Variants in ING1 observed in about 807,000 individuals in gnomAD.
ING1 encodes inhibitor of growth protein 1.
ING1 carries 4 observed loss-of-function variants against 23.1 expected under a neutral mutation model. That is an observed-to-expected ratio of 0.17 (90% CI 0.09 to 0.40). The LOEUF (loss-of-function observed/expected upper bound fraction) is 0.40. Ranked by LOEUF, ING1 falls within the 10% of genes least tolerant of loss-of-function variation. The pLI is 1.00. For synonymous variants in ING1, 179 were observed against 166.4 expected (o/e 1.08, Z -0.58); for missense variants, 256 against 393.8 (o/e 0.65, Z 2.96).
upstream of ING1, chr13:110,712,907 G>A (rs1394546421): frequency 4.6e-6 from 7 of 1,533,992 alleles, no homozygotes; most frequent in African/African-American, 1.4e-5. Flanking sequence ...CACAAAGGGA[G>A]GGCGGTGACG....
In ING1 at chr13:110,719,618, C is replaced by T. The variant is rs760064895; in HGVS notation, c.526C>T (p.Pro176Ser). 50 of 1,612,186 alleles carry T rather than the reference C, an allele frequency of 3.1e-5. No homozygotes were observed. In the East Asian group the frequency reaches 4.5e-4, roughly 14 times the overall value. Residue 176 changes from proline (P) to serine (S), a missense_variant, in exon 2 of 2, where the codon CCC becomes TCC. Physicochemically the swap from Pro to Ser is moderately conservative, Grantham distance 74. Transcript: ENST00000333219. The surrounding 1 kb of genome is among the most constrained non-coding windows in gnomAD (Gnocchi z 8.9). ...HDHDDGASGT[P>S]KEKKAKTSKK... is the part of the protein sequence containing the mutation. ...CCACGACGACGGCGCCTCGGGCACA[C>T]CCAAGGAGAAGAAGGCCAAGACCTC...
Position 110,720,703 on chromosome 13 carries a change from A to G in ING1, c.*771A>G, listed in dbSNP as rs915757650. On this transcript the variant is annotated 3_prime_UTR_variant, in exon 2 of 2. Transcript: ENST00000333219. ...AAGCTAATGTCACAATTATGTGCAA[A>G]GGTGTGCTTCCTGCTGTATGTGAGC... is the stretch of plus-strand genomic sequence containing the variant. The G allele has an allele frequency of 7.2e-5, 12 of 167,124 alleles. No homozygotes were observed. The highest frequency in any genetic ancestry group is 2.9e-4 in the African/African-American group (12 of 41,470). 10.4% of individuals were successfully genotyped at this position (167,124 alleles called of 1,614,324 possible).
intron 1 of ING1, chr13:110,715,813 C>G (rs1193430389): frequency 1.3e-6 from 2 of 1,584,318 alleles, no homozygotes; most frequent in African/African-American, 1.3e-5. Flanking sequence ...GCGGGTGTCG[C>G]CCCGGCCCCT....
At position 110,719,307 on chromosome 13, in the gene ING1, A is replaced by G. The variant is rs1360215146; in HGVS notation, c.215A>G (p.His72Arg). Reference protein sequence around the residue: ...TDGAQKRRMLHCVQRALIRSQ... With the variant: ...TDGAQKRRMLRCVQRALIRSQ... The stretch of plus-strand genomic sequence containing the variant: ...GGGGCGCAGAAGCGGCGGATGCTGC[A>G]CTGTGTGCAGCGCGCGCTGATCCGC... The change falls in exon 2 of 2, where the codon CAC (histidine) becomes CGC (arginine). Residue 72 changes from histidine to arginine, a missense_variant. By Grantham distance (29) the His-to-Arg change is conservative. Transcript: ENST00000333219. This position sits in a 1 kb window ranked among gnomAD's most constrained non-coding sequence, Gnocchi z 8.9. The G allele has an allele frequency of 3.1e-6, 5 of 1,610,126 alleles. No individual in the cohort carries two copies. Among genetic ancestry groups the G allele is most frequent in the Non-Finnish European group, 4.2e-6 (5 of 1,179,916 alleles).
At chr13:110,713,637 C>T, upstream of ING1, 21 of 985,086 alleles carry the variant, frequency 2.1e-5, no homozygotes, top group Non-Finnish European at 2.3e-5. Context: ...GGGGAGGGGG[C>T]CGGGGCGCAT....
upstream of ING1, chr13:110,713,668 G>A (rs941672411): frequency 5.0e-4 from 490 of 985,396 alleles, 1 homozygote; most frequent in Non-Finnish European, 5.5e-4. Flanking sequence ...CAGCGGGGCT[G>A]AATGTTTCCC....
upstream of ING1, chr13:110,713,289 T>A (rs955372139): frequency 7.8e-7 from 1 of 1,279,170 alleles, no homozygotes; most frequent in Non-Finnish European, 9.9e-7. Context: ...CGAGTTGCGG[T>A]AGTTGCTGTG....
chr13:110,719,813 G>T lies in ING1; in HGVS notation c.721G>T (p.Val241Leu). The change falls in exon 2 of 2, where the codon GTG becomes TTG. Residue 241 changes from valine (V) to leucine (L), a missense_variant. Physicochemically the swap from Val to Leu is conservative, Grantham distance 32 (BLOSUM62 1). Transcript: ENST00000333219. This position sits in a 1 kb window ranked among gnomAD's most constrained non-coding sequence, Gnocchi z 8.9. ...CPIEWFHFSC[V>L]GLNHKPKGKW... ...CATCGAGTGGTTCCACTTCTCGTGC[G>T]TGGGGCTCAATCATAAACCCAAGGG... 1 of 1,614,014 alleles carries T rather than the reference G, an allele frequency of 6.2e-7. No homozygotes were observed. The highest frequency in any genetic ancestry group is 1.1e-5 in the South Asian group (1 of 91,064).
chr13:110,719,617 A>T lies in ING1; in HGVS notation c.525A>T (p.Thr175=), dbSNP rs1304034873. The T allele has an allele frequency of 6.2e-7, 1 of 1,611,852 alleles. No individual in the cohort carries two copies. Among genetic ancestry groups the T allele is most frequent in the Non-Finnish European group, 8.5e-7 (1 of 1,179,588 alleles). Residue 175 remains threonine (T), a synonymous_variant, in exon 2 of 2, where the codon ACA becomes ACT. Transcript: ENST00000333219. This position sits in a 1 kb window ranked among gnomAD's most constrained non-coding sequence, Gnocchi z 8.9. ...ACCACGACGACGGCGCCTCGGGCAC[A>T]CCCAAGGAGAAGAAGGCCAAGACCT... The part of the protein sequence containing the change: ...NHDHDDGASG[T]PKEKKAKTSK...
At chr13:110,714,616 A>G (rs2064086516) in intron 1 of ING1, among the ~76,000 whole-genome samples, 1 of 152,114 alleles carries the variant, frequency 6.6e-6, no homozygotes, top group Non-Finnish European at 1.5e-5. Flanking sequence ...GAGGGGGTGC[A>G]GATTACGGCG....
chr13:110,714,360 C>T (rs2064081618), intron 1 of ING1, 75 bp downstream of exon 1: 1 of 1,284,226 alleles, frequency 7.8e-7, no homozygotes, highest in African/African-American at 1.6e-5. Flanking sequence ...GGAGCCGGGC[C>T]GGTCCTGCCG....
chr13:110,720,221 C>A lies in ING1; in HGVS notation c.*289C>A. 4.0e-6 allele frequency: 1 copy of A among 247,906 alleles called. No individual in the cohort carries two copies. Among genetic ancestry groups the A allele is most frequent in the African/African-American group, 2.2e-5 (1 of 44,646 alleles). 15.4% of individuals were successfully genotyped at this position (247,906 alleles called of 1,614,324 possible). On this transcript the variant is annotated 3_prime_UTR_variant, in exon 2 of 2. Coordinates refer to ENST00000333219, the MANE Select transcript of ING1 (RefSeq NM_198219.3). ...CTTGCGGGAGGAGGGGGACTAAACT[C>A]AACCTAACACATTAAATGTGGAAGG...
chr13:110,718,358 G>T (rs2064141419), intron 1 of ING1, among the ~76,000 whole-genome samples: 1 of 152,230 alleles, frequency 6.6e-6, no homozygotes, highest in African/African-American at 2.4e-5. Context: ...CGAGGCTGCA[G>T]TGAGCCGAGA....
At position 110,722,226 on chromosome 13, in the gene ING1, C is replaced by T. The variant is rs2064176918; in HGVS notation, c.*2294C>T. The T allele has an allele frequency of 1.3e-5, 2 of 152,134 alleles. No individual in the cohort carries two copies. 9.4% of individuals were successfully genotyped at this position (152,134 alleles called of 1,614,324 possible). A position where few individuals can be genotyped will look rare whatever the true frequency, so the allele number is the denominator to read the frequency against. On this transcript the variant is annotated 3_prime_UTR_variant, in exon 2 of 2. Transcript: ENST00000333219. Reference sequence around the variant, plus strand: ...AATAGGTGTTTATTTTCCCACAAAACTCCAGAACATTTAAGAGTCTCGGGT... The same window carrying T: ...AATAGGTGTTTATTTTCCCACAAAATTCCAGAACATTTAAGAGTCTCGGGT...
At chr13:110,712,978 G>A (rs766505617), upstream of ING1, 2 of 1,557,402 alleles carry the variant, frequency 1.3e-6, no homozygotes, top group South Asian at 1.2e-5. Flanking sequence ...CGCGGAATGG[G>A]TAGGTCTCCC....
Position 110,719,273 on chromosome 13 carries a change from G to C in ING1, c.181G>C (p.Glu61Gln), listed in dbSNP as rs1488461714. The change falls in exon 2 of 2, where the codon GAG (glutamate) becomes CAG (glutamine). Residue 61 changes from glutamate to glutamine, a missense_variant. Glu to Gln is a conservative substitution (Grantham distance 29, BLOSUM62 2). Around this residue, in one of 3 missense-constraint regions of ING1, gnomAD observed 209 missense variants for 273.8 expected, o/e 0.76. Coordinates refer to ENST00000333219, the MANE Select transcript of ING1 (RefSeq NM_198219.3). The surrounding 1 kb of genome is among the most constrained non-coding windows in gnomAD (Gnocchi z 8.9). ...LDECYERFSRETDGAQKRRML... is the reference protein window; with the variant it reads ...LDECYERFSRQTDGAQKRRML... Reference sequence around the variant, plus strand: ...CGAGTGCTACGAGCGCTTCAGTCGCGAGACAGACGGGGCGCAGAAGCGGCG... The same window carrying C: ...CGAGTGCTACGAGCGCTTCAGTCGCCAGACAGACGGGGCGCAGAAGCGGCG... 6.2e-7 allele frequency: 1 copy of C among 1,612,436 alleles called. No individual in the cohort carries two copies. Among genetic ancestry groups the C allele is most frequent in the Non-Finnish European group, 8.5e-7 (1 of 1,179,958 alleles).
chr13:110,719,972 C>A lies in ING1; in HGVS notation c.*40C>A. On this transcript the variant is annotated 3_prime_UTR_variant, in exon 2 of 2. Transcript: ENST00000333219. The surrounding 1 kb of genome is among the most constrained non-coding windows in gnomAD (Gnocchi z 8.9). ...CCTGGTGTGAGGAGGACAAAATAAA[C>A]CGTGTATTTATTACATTGCTGCCTT... 1 of 1,412,110 alleles carries A rather than the reference C, an allele frequency of 7.1e-7. No individual in the cohort carries two copies. Among genetic ancestry groups the A allele is most frequent in the Non-Finnish European group, 9.6e-7 (1 of 1,036,780 alleles). 87.5% of individuals were successfully genotyped at this position (1,412,110 alleles called of 1,614,324 possible). A position where few individuals can be genotyped will look rare whatever the true frequency, so the allele number is the denominator to read the frequency against.
At chr13:110,715,903 G>A (rs777636952) in intron 1 of ING1, 1 of 1,585,192 alleles carries the variant, frequency 6.3e-7, no homozygotes, top group Non-Finnish European at 8.5e-7. Context: ...TCGGGGCCGG[G>A]GCTGCAGTTC....
rs373692673 is a variant in ING1 at position 110,719,567 on chromosome 13, C to T, written c.475C>T (p.Arg159Cys). ...RSRRQRNNEN[R>C]ENASSNHDHD... ...ACGGCGGCAGCGCAACAACGAGAAC[C>T]GTGAGAACGCGTCCAGCAACCACGA... is the stretch of plus-strand genomic sequence containing the variant. The change falls in exon 2 of 2, where the codon CGT (arginine) becomes TGT (cysteine). Residue 159 changes from arginine to cysteine, a missense_variant. By Grantham distance (180) the Arg-to-Cys change is radical. Transcript: ENST00000333219. This position sits in a 1 kb window ranked among gnomAD's most constrained non-coding sequence, Gnocchi z 8.9. 1 of 1,611,082 alleles carries T rather than the reference C, an allele frequency of 6.2e-7. No homozygotes were observed. The highest frequency in any genetic ancestry group is 8.5e-7 in the Non-Finnish European group (1 of 1,179,084).
Sources: allele counts gnomAD v4.1 joint callset (sites outside exome capture counted in the v4.1 genomes callset), GRCh38; gene constraint gnomAD v4.1.1; regional missense constraint gnomAD v4.1.1; non-coding constraint Gnocchi (gnomAD v3.1); transcripts MANE v1.5; gene names NCBI Gene and HGNC (gene_info 2026-07-23, HGNC 2026-07-21).